Variants in SOX6 observed in about 807,000 individuals in gnomAD.
SOX6 encodes the protein transcription factor SOX-6.
Under a neutral mutation model 97.8 loss-of-function variants are expected in SOX6, and 11 were observed. The ratio of observed to expected loss-of-function variants is 0.11; its 90% CI spans 0.07 to 0.19. The LOEUF is 0.19. Ranked by LOEUF, SOX6 falls within the 10% of genes least tolerant of loss-of-function variation. SOX6 has a pLI of 1.00. For synonymous variants in SOX6, 360 were observed against 371.4 expected, an observed-to-expected ratio of 0.97 and a Z score of 0.35; for missense variants, 810 against 1,039.5, an observed-to-expected ratio of 0.78 and a Z score of 3.04.
chr11:16,451,705 T>A (rs1859717916), intron 1 of SOX6, among the ~76,000 whole-genome samples: 1 of 152,026 alleles, frequency 6.6e-6, no homozygotes, highest in Admixed American at 6.5e-5. Flanking sequence ...TCATTCTGGG[T>A]ATTGTGCATC....
chr11:16,179,758 A>C (rs1851297229), intron 6 of SOX6, among the ~76,000 whole-genome samples: 1 of 151,938 alleles, frequency 6.6e-6, no homozygotes, highest in South Asian at 2.1e-4. Flanking sequence ...AAATGCCTAA[A>C]TAAAACCCCA....
At chr11:16,125,081 T>C (rs1305800971) in intron 6 of SOX6, among the ~76,000 whole-genome samples, 2 of 152,078 alleles carry the variant, frequency 1.3e-5, no homozygotes, top group Non-Finnish European at 2.9e-5. Flanking sequence ...GATTCATTCA[T>C]TGATTGACTG....
upstream of SOX6, among the ~76,000 whole-genome samples, chr11:16,358,526 G>A (rs910083381): frequency 1.8e-4 from 28 of 152,026 alleles, no homozygotes; most frequent in Admixed American, 1.3e-3. Context: ...TATGCACATC[G>A]ATTCATGTGG....
chr11:15,992,156 G>A (rs1454210868), intron 13 of SOX6, among the ~76,000 whole-genome samples: 1 of 152,176 alleles, frequency 6.6e-6, no homozygotes, highest in Non-Finnish European at 1.5e-5. Flanking sequence ...TTTAGATCAT[G>A]TGCACATTGC....
At chr11:16,718,978 T>TAAAAAAAAAAAAAAAAAAAAAAA (rs558276025) in intron 2 of SOX6, among the ~76,000 whole-genome samples, 1 of 86,834 alleles carries the variant, frequency 1.2e-5, no homozygotes, top group African/African-American at 3.7e-5. Context: ...TTTTTAAAAT[T>TAAAAAAAAAAAAAAAAAAAAAAA]AAAAAAAAAA....
At chr11:16,105,671 C>T (rs1849060708) in intron 7 of SOX6, among the ~76,000 whole-genome samples, 1 of 152,124 alleles carries the variant, frequency 6.6e-6, no homozygotes, top group Non-Finnish European at 1.5e-5. Context: ...TTCACTTTCA[C>T]TGCTGCTATT....
chr11:16,400,037 A>T (rs562624131), intron 1 of SOX6, among the ~76,000 whole-genome samples: 5 of 151,618 alleles, frequency 3.3e-5, no homozygotes. Context: ...GAATTTTTAA[A>T]AAGTTCCATT....
intron 1 of SOX6, chr11:16,738,414 C>G (rs934761688): frequency 4.0e-5 from 12 of 298,168 alleles, no homozygotes; most frequent in African/African-American, 2.3e-4. Flanking sequence ...AAGCTCTCGG[C>G]CAACGCTCAC....
At chr11:16,731,200 A>T (rs979737865) in intron 2 of SOX6, among the ~76,000 whole-genome samples, 2 of 152,168 alleles carry the variant, frequency 1.3e-5, no homozygotes, top group Non-Finnish European at 1.5e-5. Flanking sequence ...TCCTTCCGAA[A>T]CTATTCCAAA....
At chr11:16,727,153 T>A (rs931093388) in intron 2 of SOX6, among the ~76,000 whole-genome samples, 5 of 152,006 alleles carry the variant, frequency 3.3e-5, no homozygotes, top group Non-Finnish European at 7.4e-5. Flanking sequence ...ACTCCAACCA[T>A]GGAGTCTACA....
chr11:16,318,566 G>A lies in SOX6; in HGVS notation c.325C>T (p.Arg109Cys), dbSNP rs1166834483. ...AAAGTAACACTGGTCATTATCTCACGGTCCCGACTCCCTTCGTCAGGCTTA... is the reference window on the plus strand; with the variant it reads ...AAAGTAACACTGGTCATTATCTCACAGTCCCGACTCCCTTCGTCAGGCTTA... ...PHKPDEGSRD[R>C]EIMTSVTFGT... Residue 109 changes from arginine to cysteine, a missense_variant, in exon 3 of 16, where the codon CGT (arginine) becomes TGT (cysteine). Transcript: ENST00000683767. 8 of 1,613,422 alleles carry A rather than the reference G, an allele frequency of 5.0e-6. No homozygotes were observed. The highest frequency in any genetic ancestry group is 5.1e-6 in the Non-Finnish European group (6 of 1,179,774).
At chr11:16,156,090 T>C (rs1381848281) in intron 6 of SOX6, among the ~76,000 whole-genome samples, 1 of 152,070 alleles carries the variant, frequency 6.6e-6, no homozygotes, top group Non-Finnish European at 1.5e-5. Context: ...GCCTAGAGCA[T>C]GTCACTTTGC....
At chr11:16,224,723 T>C (rs1418638414) in intron 4 of SOX6, among the ~76,000 whole-genome samples, 1 of 152,088 alleles carries the variant, frequency 6.6e-6, no homozygotes, top group East Asian at 1.9e-4. Flanking sequence ...TATGCATTTG[T>C]TGTTAGCAAA....
intron 3 of SOX6, among the ~76,000 whole-genome samples, chr11:16,621,080 G>C (rs943149430): frequency 6.6e-6 from 1 of 152,140 alleles, no homozygotes; most frequent in African/African-American, 2.4e-5. Flanking sequence ...CTACCAAGAT[G>C]AACAGTATTT....
chr11:16,132,408 AG>A (rs1487084196), intron 6 of SOX6, among the ~76,000 whole-genome samples: 1,476 of 72,516 alleles, frequency 0.02, 36 homozygotes, highest in Non-Finnish European at 0.028. Context: ...GAAAAAAGAA[AG>A]AAAGAAAGAA....
intron 6 of SOX6, among the ~76,000 whole-genome samples, chr11:16,147,480 A>G (rs1013281160): frequency 6.6e-6 from 1 of 152,194 alleles, no homozygotes; most frequent in Non-Finnish European, 1.5e-5. Flanking sequence ...GTGCACATGT[A>G]CCCTAGAACT....
chr11:16,120,916 G>C (rs1462780335), intron 6 of SOX6, among the ~76,000 whole-genome samples: 1 of 152,058 alleles, frequency 6.6e-6, no homozygotes, highest in Non-Finnish European at 1.5e-5. Context: ...TTGTAAGTAA[G>C]AACACAATGA....
At chr11:16,192,506 CA>C in intron 4 of SOX6, among the ~76,000 whole-genome samples, 1 of 152,038 alleles carries the variant, frequency 6.6e-6, no homozygotes, top group Middle Eastern at 3.4e-3. Flanking sequence ...TTTCCCCCAT[CA>C]AAAGTTTTCA....
intron 4 of SOX6, among the ~76,000 whole-genome samples, chr11:16,486,439 A>T (rs1860435521): frequency 6.6e-6 from 1 of 152,172 alleles, no homozygotes; most frequent in Non-Finnish European, 1.5e-5. Flanking sequence ...TTCAGAGATA[A>T]CAACTTAATA....
Sources: allele counts gnomAD v4.1 joint callset (sites outside exome capture counted in the v4.1 genomes callset), GRCh38; gene constraint gnomAD v4.1.1; transcripts MANE v1.5; gene names NCBI Gene and HGNC (gene_info 2026-07-23, HGNC 2026-07-21).